Variants in MAX observed in about 807,000 individuals in gnomAD.
The protein encoded by MAX is protein max.
In MAX, 3 loss-of-function variants were observed where a neutral mutation model predicts 22.3. That is an observed-to-expected ratio of 0.13 (90% CI 0.06 to 0.35). MAX has a LOEUF of 0.35. MAX is among the 10% of genes least tolerant of loss of function. MAX has a pLI of 1.00. For synonymous variants in MAX, 72 were observed against 77.7 expected, an observed-to-expected ratio of 0.93 and a Z score of 0.39; for missense variants, 119 against 209.4, an observed-to-expected ratio of 0.57 and a Z score of 2.66.
chr14:65,071,380 G>A (rs758627637), downstream of MAX, among the ~76,000 whole-genome samples: 1 of 152,176 alleles, frequency 6.6e-6, no homozygotes, highest in Admixed American at 6.5e-5. This position sits in a 1 kb window ranked among gnomAD's most constrained non-coding sequence, Gnocchi z 4.2. Flanking sequence ...CTGACCTCAA[G>A]TGATCCGCCC....
intron 3 of MAX, among the ~76,000 whole-genome samples, chr14:65,010,830 C>G (rs907572109): frequency 6.6e-6 from 1 of 152,176 alleles, no homozygotes; most frequent in Non-Finnish European, 1.5e-5. Context: ...AGGTCAGATT[C>G]TCCCACCTGT....
At position 65,084,034 on chromosome 14, in the gene MAX, T is replaced by C; in HGVS notation, c.172-5998A>G. ...GCCAGAGTCAGCACAGACCCATGGC[T>C]CCTTGAAGGCTTCCTGCTGCCAGGG... On this transcript the variant is annotated intron_variant, in intron 3 of 4. Transcript: ENST00000358664. The surrounding 1 kb of genome is among the most constrained non-coding windows in gnomAD (Gnocchi z 4.3). 6.3e-7 allele frequency: 1 copy of C among 1,584,240 alleles called. No homozygotes were observed.
At chr14:65,089,108 T>C (rs2063424724) in intron 3 of MAX, among the ~76,000 whole-genome samples, 1 of 152,218 alleles carries the variant, frequency 6.6e-6, no homozygotes, top group Non-Finnish European at 1.5e-5. Context: ...TATTATGTCT[T>C]TTAACCTCTA....
In MAX at chr14:65,054,779, C is replaced by A; in HGVS notation, c.171+38929G>T. 2.2e-6 allele frequency: 3 copies of A among 1,375,980 alleles called. No individual in the cohort carries two copies. Among genetic ancestry groups the A allele is most frequent in the Non-Finnish European group, 3.0e-6 (3 of 999,434 alleles). 85.2% of individuals were successfully genotyped at this position (1,375,980 alleles called of 1,614,324 possible). A position where few individuals can be genotyped will look rare whatever the true frequency, so the allele number is the denominator to read the frequency against. On this transcript the variant is annotated intron_variant, in intron 3 of 3. Coordinates refer to the MAX transcript ENST00000341653. The surrounding 1 kb of genome is among the most constrained non-coding windows in gnomAD (Gnocchi z 4.4). ...AGTAAGCAGAACTGGCTCTGCATTT[C>A]CTGTGTGGACAGGCGGAAGCTTGTG... is the stretch of plus-strand genomic sequence containing the variant.
chr14:65,017,352 G>A (rs1170925006), intron 3 of MAX, among the ~76,000 whole-genome samples: 3 of 152,128 alleles, frequency 2.0e-5, no homozygotes, highest in Non-Finnish European at 4.4e-5. Flanking sequence ...TTGGGTGTGA[G>A]AGAAGAAAGA....
At position 65,084,321 on chromosome 14, in the gene MAX, A is replaced by G. The variant is rs1475928114; in HGVS notation, c.172-6285T>C. On this transcript the variant is annotated intron_variant, in intron 3 of 4. Coordinates refer to ENST00000358664, the MANE Select transcript of MAX (RefSeq NM_002382.5). This position sits in a 1 kb window ranked among gnomAD's most constrained non-coding sequence, Gnocchi z 4.3. ...AGAGCTAGTAAATAAACATGTGGAAAAGCAATTAATTTCACAAGTAATAAA... is the reference window on the plus strand; with the variant it reads ...AGAGCTAGTAAATAAACATGTGGAAGAGCAATTAATTTCACAAGTAATAAA... 7 of 1,343,920 alleles carry G rather than the reference A, an allele frequency of 5.2e-6. No homozygotes were observed. The highest frequency in any genetic ancestry group is 1.4e-5 in the African/African-American group (1 of 69,454). The allele number at this position is 1,343,920 out of a possible 1,614,324, so 83.2% of individuals were successfully genotyped here. A position where few individuals can be genotyped will look rare whatever the true frequency, so the allele number is the denominator to read the frequency against.
Position 65,065,911 on chromosome 14 carries a change from T to C in MAX, c.171+27797A>G, listed in dbSNP as rs199970442. 7.2e-5 allele frequency among the ~76,000 whole-genome samples: 11 copies of C among 152,174 alleles called. No homozygotes were observed. The East Asian group carries it at 1.4e-3, about 19-fold the overall frequency. On this transcript the variant is annotated intron_variant, in intron 3 of 3. Coordinates refer to the MAX transcript ENST00000341653. Reference sequence around the variant, plus strand: ...TGCCTTTTACAACTGGAGAAACAGGTTGGAGAGCTTACGTAAATCACCCAA... The same window carrying C: ...TGCCTTTTACAACTGGAGAAACAGGCTGGAGAGCTTACGTAAATCACCCAA...
chr14:65,035,564 C>G (rs976200644), intron 3 of MAX, among the ~76,000 whole-genome samples: 2 of 152,072 alleles, frequency 1.3e-5, no homozygotes, highest in African/African-American at 4.8e-5. Context: ...GAGTCTTGCT[C>G]TGTTGCACGA....
At position 65,014,754 on chromosome 14, in the gene MAX, C is replaced by T. The variant is rs2061739191; in HGVS notation, c.172-8470G>A. ...GCTTGAGCCCGGGAGGTTGAGGCTG[C>T]AGTGAGCTGAGATCATACCACTGCA... On this transcript the variant is annotated intron_variant, in intron 3 of 3. Transcript: ENST00000341653. This position sits in a 1 kb window ranked among gnomAD's most constrained non-coding sequence, Gnocchi z 5.1. Among the ~76,000 whole-genome samples, 1 of 152,102 alleles carries T rather than the reference C, an allele frequency of 6.6e-6. No individual in the cohort carries two copies. Among genetic ancestry groups the T allele is most frequent in the African/African-American group, 2.4e-5 (1 of 41,428 alleles).
At chr14:65,064,375 G>A (rs2062910145) in intron 3 of MAX, among the ~76,000 whole-genome samples, 1 of 152,192 alleles carries the variant, frequency 6.6e-6, no homozygotes, top group African/African-American at 2.4e-5. Context: ...AGCAAAAGAG[G>A]CAATCTGTTG....
chr14:65,077,621 G>T lies in MAX; in HGVS notation c.295+292C>A. 1 of 1,131,554 alleles carries T rather than the reference G, an allele frequency of 8.8e-7. No individual in the cohort carries two copies. Among genetic ancestry groups the T allele is most frequent in the Non-Finnish European group, 1.3e-6 (1 of 770,140 alleles). The allele number at this position is 1,131,554 out of a possible 1,614,324, so 70.1% of individuals were successfully genotyped here. On this transcript the variant is annotated intron_variant, in intron 4 of 4. Transcript: ENST00000358664. The surrounding 1 kb of genome is among the most constrained non-coding windows in gnomAD (Gnocchi z 6.3). Reference sequence around the variant, plus strand: ...TTTTCAGACACCTGATGCCAGGTGTGATCCCTACTGCAGGCAGAGCACCTG... The same window carrying T: ...TTTTCAGACACCTGATGCCAGGTGTTATCCCTACTGCAGGCAGAGCACCTG...
intron 3 of MAX, among the ~76,000 whole-genome samples, chr14:65,086,790 G>A (rs1209126239): frequency 6.6e-6 from 1 of 152,248 alleles, no homozygotes; most frequent in Non-Finnish European, 1.5e-5. Flanking sequence ...CAGCTGCAGA[G>A]ATTTGCATAA....
Position 65,009,000 on chromosome 14 carries a change from C to G in MAX, c.172-2716G>C, listed in dbSNP as rs566414192. On this transcript the variant is annotated intron_variant, in intron 3 of 3. Coordinates refer to the MAX transcript ENST00000341653. ...CAGCCTGCATCCCACCCTGCACCCC[C>G]TCAAGTCCTGCACGAAACCTGTCTT... 2.3e-3 allele frequency among the ~76,000 whole-genome samples: 345 copies of G among 152,312 alleles called. 1 individual carries two copies. The highest frequency in any genetic ancestry group is 7.9e-3 in the African/African-American group (330 of 41,560).
At chr14:65,008,723 C>A (rs1476875753) in intron 3 of MAX, among the ~76,000 whole-genome samples, 1 of 152,198 alleles carries the variant, frequency 6.6e-6, no homozygotes, top group Admixed American at 6.5e-5. Context: ...GGCAGCATGA[C>A]CAGAGCTCAG....
intron 3 of MAX, chr14:65,015,492 C>G: frequency 2.3e-6 from 1 of 440,262 alleles, no homozygotes; most frequent in Non-Finnish European, 3.8e-6. Flanking sequence ...CCTTTATTCA[C>G]TGATTGTTGT....
chr14:65,051,900 T>C (rs1334234501), intron 3 of MAX, among the ~76,000 whole-genome samples: 1 of 151,714 alleles, frequency 6.6e-6, no homozygotes, highest in Non-Finnish European at 1.5e-5. Flanking sequence ...GTTCACGCCA[T>C]TCTCCTGCCT....
In MAX at chr14:65,012,539, C is replaced by T. The variant is rs1038659839; in HGVS notation, c.172-6255G>A. The T allele has an allele frequency of 5.5e-6, 6 of 1,096,768 alleles. No individual in the cohort carries two copies. The African/African-American group carries it at 6.3e-5, about 12-fold the overall frequency. The allele number at this position is 1,096,768 out of a possible 1,614,324, so 67.9% of individuals were successfully genotyped here. A position where few individuals can be genotyped will look rare whatever the true frequency, so the allele number is the denominator to read the frequency against. On this transcript the variant is annotated intron_variant, in intron 3 of 3. Coordinates refer to the MAX transcript ENST00000341653. The surrounding 1 kb of genome is among the most constrained non-coding windows in gnomAD (Gnocchi z 5.0). Reference sequence around the variant, plus strand: ...TCTGGCAGGAGGTAGGGTGCTGTCACAGAGCTGGGACTCAGCCCTGAAAGG... The same window carrying T: ...TCTGGCAGGAGGTAGGGTGCTGTCATAGAGCTGGGACTCAGCCCTGAAAGG...
Position 65,044,581 on chromosome 14 carries a change from C to A in MAX, c.172-38297G>T. On this transcript the variant is annotated intron_variant, in intron 3 of 3. Coordinates refer to the MAX transcript ENST00000341653. This position sits in a 1 kb window ranked among gnomAD's most constrained non-coding sequence, Gnocchi z 5.5. ...GGATTTTGAGTGCCCAGTGTGGAAC[C>A]TCATGCCGTGGGGCATGCGAATGCA... is the stretch of plus-strand genomic sequence containing the variant. 7.7e-7 allele frequency: 1 copy of A among 1,294,038 alleles called. No individual in the cohort carries two copies. Among genetic ancestry groups the A allele is most frequent in the Non-Finnish European group, 1.0e-6 (1 of 972,230 alleles). The allele number at this position is 1,294,038 out of a possible 1,614,324, so 80.2% of individuals were successfully genotyped here.
intron 3 of MAX, chr14:65,041,020 C>A: frequency 6.5e-7 from 1 of 1,528,926 alleles, no homozygotes; most frequent in Non-Finnish European, 8.9e-7. Flanking sequence ...ATGGGAAGGG[C>A]TAAGAGAGTT....
Sources: allele counts gnomAD v4.1 joint callset (sites outside exome capture counted in the v4.1 genomes callset), GRCh38; gene constraint gnomAD v4.1.1; non-coding constraint Gnocchi (gnomAD v3.1); transcripts MANE v1.5; gene names NCBI Gene and HGNC (gene_info 2026-07-23, HGNC 2026-07-21).